Variants in AQP9 observed in about 807,000 individuals in gnomAD.
The protein encoded by AQP9 is aquaporin-9.
A neutral mutation model predicts 23.8 loss-of-function variants in AQP9; 19 were observed. The observed-to-expected ratio is 0.80, with a 90% CI of 0.56 to 1.17. The LOEUF (loss-of-function observed/expected upper bound fraction) is 1.17, where lower values mean the gene tolerates loss of function less well. Ranked by LOEUF, AQP9 falls within the 50% of genes most tolerant of loss-of-function variation. AQP9 has a pLI of 0.00. For synonymous variants in AQP9, 153 were observed against 131.5 expected (o/e 1.16, Z -1.12); for missense variants, 413 against 362.0 (o/e 1.14, Z -1.14).
chr15:58,173,795 C>T (rs944308172), intron 3 of AQP9, among the ~76,000 whole-genome samples: 2 of 152,202 alleles, frequency 1.3e-5, no homozygotes, highest in African/African-American at 4.8e-5. Context: ...GCCTCAGTTT[C>T]CTCCTCTGGA....
intron 4 of AQP9, among the ~76,000 whole-genome samples, chr15:58,178,185 T>C (rs2140632293): frequency 1.3e-5 from 2 of 152,270 alleles, no homozygotes; most frequent in East Asian, 3.9e-4. Flanking sequence ...CAGGAAGTCC[T>C]GGAACCAATC....
At chr15:58,160,809 G>A (rs1898362925) in intron 1 of AQP9, among the ~76,000 whole-genome samples, 1 of 152,132 alleles carries the variant, frequency 6.6e-6, no homozygotes, top group South Asian at 2.1e-4. Flanking sequence ...GAGAAAGCAG[G>A]ATTTCAGCTC....
intron 5 of AQP9, 141 bp from the exon 6 acceptor site, chr15:58,183,820 T>G: frequency 3.5e-6 from 3 of 859,722 alleles, no homozygotes; most frequent in Non-Finnish European, 3.7e-6. Context: ...CATGCTGCAC[T>G]GAGCCCCCCT....
At position 58,173,177 on chromosome 15, in the gene AQP9, G is replaced by A; in HGVS notation, c.348G>A (p.Gly116=). The part of the protein sequence containing the change: ...VGAQFLGAFV[G]AATVFGIYYD... ...CCCAGTTCTTGGGAGCCTTTGTGGGGGCTGCAACCGTCTTTGGCATTTACT... is the reference window on the plus strand; with the variant it reads ...CCCAGTTCTTGGGAGCCTTTGTGGGAGCTGCAACCGTCTTTGGCATTTACT... Residue 116 remains glycine (G), a synonymous_variant, in exon 3 of 6, where the codon GGG becomes GGA. Transcript: ENST00000219919. 2 of 1,614,086 alleles carry A rather than the reference G, an allele frequency of 1.2e-6. No individual in the cohort carries two copies. Among genetic ancestry groups the A allele is most frequent in the South Asian group, 1.1e-5 (1 of 91,080 alleles).
At chr15:58,163,562 TC>T (rs1208226306) in intron 1 of AQP9, among the ~76,000 whole-genome samples, 112 of 152,194 alleles carry the variant, frequency 7.4e-4, no homozygotes, top group Non-Finnish European at 4.3e-4. Context: ...CAGTTGAACT[TC>T]AGGGGAGAAA....
chr15:58,166,102 CT>C (rs1315966364), intron 1 of AQP9, among the ~76,000 whole-genome samples: 1 of 152,172 alleles, frequency 6.6e-6, no homozygotes, highest in Non-Finnish European at 1.5e-5. Flanking sequence ...TGCTTTTATA[CT>C]GGGAGCCACA....
At chr15:58,172,450 G>A (rs1035401349) in intron 2 of AQP9, among the ~76,000 whole-genome samples, 4 of 152,166 alleles carry the variant, frequency 2.6e-5, no homozygotes, top group East Asian at 1.9e-4. Context: ...AGCTTGGGCT[G>A]GGCTCAGGAA....
chr15:58,163,032 T>G (rs1463830481), intron 1 of AQP9, among the ~76,000 whole-genome samples: 1 of 152,204 alleles, frequency 6.6e-6, no homozygotes, highest in African/African-American at 2.4e-5. Flanking sequence ...CATCCATTAA[T>G]AGGTGGTGCT....
intron 1 of AQP9, among the ~76,000 whole-genome samples, chr15:58,156,613 A>T (rs1367577308): frequency 6.6e-6 from 1 of 152,208 alleles, no homozygotes; most frequent in Admixed American, 6.5e-5. Flanking sequence ...GAAAACTGCA[A>T]TCCCCTGTAA....
chr15:58,184,401 G>A lies in AQP9; in HGVS notation c.*266G>A, dbSNP rs371743432. The stretch of plus-strand genomic sequence containing the variant: ...CTCCTGCCCTGTTTATTTCATCCTC[G>A]ATGGGAATTCTTGCTAGGTAAGCAC... On this transcript the variant is annotated 3_prime_UTR_variant, in exon 6 of 6. Transcript: ENST00000219919. 6.2e-5 allele frequency: 21 copies of A among 339,078 alleles called. No individual in the cohort carries two copies. Among genetic ancestry groups the A allele is most frequent in the Admixed American group, 1.7e-4 (3 of 18,110 alleles). 21.0% of individuals were successfully genotyped at this position (339,078 alleles called of 1,614,324 possible).
At chr15:58,179,996 G>A (rs1288417879) in intron 5 of AQP9, among the ~76,000 whole-genome samples, 1 of 152,170 alleles carries the variant, frequency 6.6e-6, no homozygotes, top group East Asian at 1.9e-4. Flanking sequence ...AGAACTTCCG[G>A]ACAGGACAGA....
intron 4 of AQP9, among the ~76,000 whole-genome samples, chr15:58,176,871 A>T (rs1346087999): frequency 2.0e-5 from 3 of 152,082 alleles, no homozygotes; most frequent in Non-Finnish European, 4.4e-5. Flanking sequence ...AGCCTCCCAA[A>T]GCTGTATCTT....
At chr15:58,154,244 A>G (rs1454975415) in intron 1 of AQP9, 1 of 152,154 alleles carries the variant, frequency 6.6e-6, no homozygotes, top group Admixed American at 6.6e-5. Context: ...CACTTCTACT[A>G]GACATAATTT....
In AQP9 at chr15:58,138,420, G is replaced by T. The variant is rs956255739; in HGVS notation, c.-146G>T. 5.1e-6 allele frequency: 3 copies of T among 590,540 alleles called. No homozygotes were observed. The highest frequency in any genetic ancestry group is 6.7e-5 in the Admixed American group (2 of 30,030). 36.6% of individuals were successfully genotyped at this position (590,540 alleles called of 1,614,324 possible). ...TTAAGCCACAGCCTCTAATTGGAAC[G>T]GCATTTGTACAGTCAGAGACTCTTA... On this transcript the variant is annotated 5_prime_UTR_variant, in exon 1 of 6. Transcript: ENST00000219919.
intron 4 of AQP9, among the ~76,000 whole-genome samples, chr15:58,178,052 A>G (rs1469826926): frequency 6.6e-6 from 1 of 152,206 alleles, no homozygotes; most frequent in Non-Finnish European, 1.5e-5. Context: ...TATTCACATT[A>G]TATCAGATAT....
At chr15:58,153,573 T>TTA (rs1258791369) in intron 1 of AQP9, 3 of 152,180 alleles carry the variant, frequency 2.0e-5, no homozygotes, top group Non-Finnish European at 2.9e-5. Context: ...TAGCATTTCT[T>TTA]TATATCTGCA....
At chr15:58,166,571 C>G in intron 1 of AQP9, 102 bp from the exon 2 acceptor site, 1 of 1,446,068 alleles carries the variant, frequency 6.9e-7, no homozygotes, top group Non-Finnish European at 9.3e-7. Flanking sequence ...CCAAGGCAAC[C>G]CAATCCATGA....
intron 1 of AQP9, among the ~76,000 whole-genome samples, chr15:58,143,934 CA>C (rs1897994428): frequency 6.6e-6 from 1 of 152,188 alleles, no homozygotes; most frequent in African/African-American, 2.4e-5. Context: ...AAAGTGATTT[CA>C]AAGTTGTACT....
intron 2 of AQP9, among the ~76,000 whole-genome samples, chr15:58,172,510 G>C (rs1898646908): frequency 6.6e-6 from 1 of 152,120 alleles, no homozygotes; most frequent in African/African-American, 2.4e-5. Flanking sequence ...TTATGCAGAG[G>C]AACTGAGAAC....
Sources: allele counts gnomAD v4.1 joint callset (sites outside exome capture counted in the v4.1 genomes callset), GRCh38; gene constraint gnomAD v4.1.1; transcripts MANE v1.5; gene names NCBI Gene and HGNC (gene_info 2026-07-23, HGNC 2026-07-21).